The following CPEB4 variants were observed in gnomAD, a reference collection of about 807,000 sequenced individuals.
CPEB4 encodes cytoplasmic polyadenylation element binding protein 4.
A neutral mutation model predicts 72.5 loss-of-function variants in CPEB4; 12 were observed. That is an observed-to-expected ratio of 0.17 (90% confidence interval 0.11 to 0.27). CPEB4 has a LOEUF of 0.27. Ranked by LOEUF, CPEB4 falls within the 10% of genes least tolerant of loss-of-function variation. The pLI is 1.00. For missense variants in CPEB4, 614 were observed against 908.5 expected (o/e 0.68, Z 4.17); for synonymous variants, 302 against 326.3 (o/e 0.93, Z 0.80).
chr5:173,929,635 G>A (rs72812816), intron 2 of CPEB4, among the ~76,000 whole-genome samples: 33,752 of 152,004 alleles, frequency 0.22, 4,956 homozygotes, highest in Non-Finnish European at 0.31. Flanking sequence ...GGGAGGTCGA[G>A]GCTGGAGCTG....
chr5:173,960,206 TTAA>T lies in CPEB4; in HGVS notation c.*4071_*4073del, dbSNP rs1485444533. The T allele has an allele frequency of 6.5e-6, 1 of 152,684 alleles. No homozygotes were observed. Among genetic ancestry groups the T allele is most frequent in the Non-Finnish European group, 1.5e-5 (1 of 68,030 alleles). 9.5% of individuals were successfully genotyped at this position (152,684 alleles called of 1,614,324 possible). ...CATTTGTTGAAGTGCTAGTGAAAAA[TTAA>T]TGTTATTAAATAGTTTGCAAATGAC... On this transcript the variant is annotated 3_prime_UTR_variant, in exon 10 of 10. Coordinates refer to ENST00000265085, the MANE Select transcript of CPEB4 (RefSeq NM_030627.4).
chr5:173,945,807 T>C (rs1757996846), intron 5 of CPEB4, among the ~76,000 whole-genome samples: 1 of 152,180 alleles, frequency 6.6e-6, no homozygotes, highest in Non-Finnish European at 1.5e-5. Flanking sequence ...GGAAGTGATA[T>C]TTAAGCTGAG....
intron 1 of CPEB4, among the ~76,000 whole-genome samples, chr5:173,897,100 A>G (rs2113130584): frequency 6.6e-6 from 1 of 152,336 alleles, no homozygotes; most frequent in Middle Eastern, 3.4e-3. Context: ...TTATCTTGCT[A>G]TATATGCTTT....
rs1249801036 is a variant in CPEB4, at chr5:173,950,367, G to A, written c.1665+289G>A. ...CACCTGTAATCCCAGCACTTTGGGA[G>A]GCCGAAGCAGGTGGATCACATGAGG... On this transcript the variant is annotated intron_variant, in intron 7 of 9. Transcript: ENST00000265085. This position sits in a 1 kb window ranked among gnomAD's most constrained non-coding sequence, Gnocchi z 5.0. 6.6e-6 allele frequency among the ~76,000 whole-genome samples: 1 copy of A among 152,154 alleles called. No individual in the cohort carries two copies. The highest frequency in any genetic ancestry group is 1.5e-5 in the Non-Finnish European group (1 of 68,024).
intron 2 of CPEB4, among the ~76,000 whole-genome samples, chr5:173,915,360 A>G (rs1462576477): frequency 6.6e-6 from 1 of 152,050 alleles, no homozygotes; most frequent in East Asian, 1.9e-4. Flanking sequence ...GATTTTTTCT[A>G]TGTACAGGGA....
intron 5 of CPEB4, among the ~76,000 whole-genome samples, chr5:173,947,737 A>T (rs1242530769): frequency 6.6e-6 from 1 of 152,146 alleles, no homozygotes; most frequent in African/African-American, 2.4e-5. Context: ...TTTATTTCCT[A>T]GCTTCCTTCA....
chr5:173,934,288 AAAAT>A (rs1358301874), intron 3 of CPEB4, among the ~76,000 whole-genome samples: 4 of 152,218 alleles, frequency 2.6e-5, no homozygotes, highest in Non-Finnish European at 5.9e-5. Flanking sequence ...TGTCAATAAA[AAAAT>A]AAAAGTAACT....
intron 2 of CPEB4, among the ~76,000 whole-genome samples, chr5:173,911,876 A>G (rs1756677672): frequency 6.6e-6 from 1 of 152,138 alleles, no homozygotes; most frequent in South Asian, 2.1e-4. Context: ...TGTTGTTTCA[A>G]CTGGTGACCT....
intron 2 of CPEB4, among the ~76,000 whole-genome samples, chr5:173,924,665 A>G (rs1419431641): frequency 2.0e-5 from 3 of 152,240 alleles, no homozygotes; most frequent in Non-Finnish European, 2.9e-5. Flanking sequence ...TGTGAAGTCA[A>G]TGGAATTATC....
Position 173,900,766 on chromosome 5 carries a change from A to G in CPEB4, c.1126-9757A>G, listed in dbSNP as rs1213320608. On this transcript the variant is annotated intron_variant, in intron 1 of 9. Transcript: ENST00000265085. This position sits in a 1 kb window ranked among gnomAD's most constrained non-coding sequence, Gnocchi z 4.4. ...GTTTCATGCTTTTTTTCATTGCACC[A>G]TAGAAGGGGCAGAGAAATGTTTATT... Among the ~76,000 whole-genome samples the G allele has an allele frequency of 2.6e-5, 4 of 152,188 alleles. No homozygotes were observed. Among genetic ancestry groups the G allele is most frequent in the African/African-American group, 7.2e-5 (3 of 41,448 alleles).
chr5:173,930,293 C>T (rs554292089), intron 2 of CPEB4, among the ~76,000 whole-genome samples: 3 of 152,286 alleles, frequency 2.0e-5, no homozygotes, highest in African/African-American at 4.8e-5. Context: ...TGATCTCAGG[C>T]AATCTGCCCG....
At chr5:173,902,221 C>G (rs1342299773) in intron 1 of CPEB4, among the ~76,000 whole-genome samples, 2 of 152,028 alleles carry the variant, frequency 1.3e-5, no homozygotes, top group African/African-American at 4.8e-5. Flanking sequence ...CCTTTCAAAC[C>G]AAAATATTTT....
In CPEB4 at chr5:173,955,991, T is replaced by C; in HGVS notation, c.2044T>C (p.Phe682Leu). 6.2e-7 allele frequency: 1 copy of C among 1,614,142 alleles called. No individual in the cohort carries two copies. Residue 682 changes from phenylalanine (F) to leucine (L), a missense_variant, in exon 10 of 10, where the codon TTT becomes CTT. Physicochemically the swap from Phe to Leu is conservative, Grantham distance 22. This residue lies in a region of CPEB4 where 101 missense variants were observed against 243.1 expected (regional missense o/e 0.42). Coordinates refer to ENST00000265085, the MANE Select transcript of CPEB4 (RefSeq NM_030627.4). The surrounding 1 kb of genome is among the most constrained non-coding windows in gnomAD (Gnocchi z 4.7). ...GARCGGKFAP[F>L]FCANVTCLQY... ...CCGTTGTGGGGGGAAATTTGCTCCA[T>C]TTTTCTGTGCTAATGTTACCTGTCT...
chr5:173,908,934 G>T (rs1353916410), intron 1 of CPEB4, among the ~76,000 whole-genome samples: 3 of 152,112 alleles, frequency 2.0e-5, no homozygotes, highest in African/African-American at 4.8e-5. Flanking sequence ...GTGTGTTTAT[G>T]TACAGTATCC....
intron 1 of CPEB4, among the ~76,000 whole-genome samples, chr5:173,906,872 A>G (rs11745868): frequency 6.6e-6 from 1 of 152,230 alleles, no homozygotes; most frequent in Admixed American, 6.5e-5. Flanking sequence ...GTCAGCAAAA[A>G]TCTTTATGTT....
At position 173,890,348 on chromosome 5, in the gene CPEB4, G is replaced by C. The variant is rs766419080; in HGVS notation, c.615G>C (p.Leu205=). The change falls in exon 1 of 10, where the codon CTG becomes CTC. Residue 205 remains leucine (L), a synonymous_variant. Coordinates refer to ENST00000265085, the MANE Select transcript of CPEB4 (RefSeq NM_030627.4). Reference sequence around the variant, plus strand: ...CTGCTTCGGCTAATAACGGTGCTCTGTTGTTTCAAAATTTCCCCCATCATG... The same window carrying C: ...CTGCTTCGGCTAATAACGGTGCTCTCTTGTTTCAAAATTTCCCCCATCATG... ...VPAASANNGA[L]LFQNFPHHVS... is the part of the protein sequence containing the mutation. The C allele has an allele frequency of 1.2e-6, 2 of 1,614,126 alleles. No individual in the cohort carries two copies. The highest frequency in any genetic ancestry group is 1.7e-6 in the Non-Finnish European group (2 of 1,180,028).
Position 173,914,947 on chromosome 5 carries a change from TC to T in CPEB4, c.1207+4345del, listed in dbSNP as rs759804119. On this transcript the variant is annotated intron_variant, in intron 2 of 9. Transcript: ENST00000265085. The stretch of plus-strand genomic sequence containing the variant: ...TTTATTTTTCTCTTTCATTTCTGGT[TC>T]CTCATAGGTATGCAGTTTGTGTGTG... Among the ~76,000 whole-genome samples, 6 of 152,346 alleles carry T rather than the reference TC, an allele frequency of 3.9e-5. No homozygotes were observed. In the East Asian group the frequency reaches 1.2e-3, roughly 29 times the overall value.
At position 173,888,616 on chromosome 5, in the gene CPEB4, G is replaced by C. The variant is rs1044251992; in HGVS notation, c.-1118G>C. On this transcript the variant is annotated 5_prime_UTR_variant, in exon 1 of 10. Transcript: ENST00000265085. This position sits in a 1 kb window ranked among gnomAD's most constrained non-coding sequence, Gnocchi z 4.3. The stretch of plus-strand genomic sequence containing the variant: ...TTATAGTTTAAAAAAAAATTCTGGG[G>C]GAAAAGAGAGAGAAAGCCGAGGGGG... The C allele has an allele frequency of 2.5e-6, 1 of 401,118 alleles. No homozygotes were observed. The highest frequency in any genetic ancestry group is 4.4e-6 in the Non-Finnish European group (1 of 227,282). The allele number at this position is 401,118 out of a possible 1,614,324, so 24.8% of individuals were successfully genotyped here.
chr5:173,953,712 G>A (rs1017260621), intron 9 of CPEB4, among the ~76,000 whole-genome samples: 10 of 146,518 alleles, frequency 6.8e-5, no homozygotes, highest in Non-Finnish European at 4.5e-5. Context: ...TCAATGAATT[G>A]TACTCACAGA....
Sources: gnomAD v4.1 joint callset for allele counts (sites outside exome capture counted in the v4.1 genomes callset) on GRCh38, gnomAD v4.1.1 for gene constraint, gnomAD v4.1.1 regional missense constraint, Gnocchi (gnomAD v3.1) non-coding constraint, MANE v1.5 for transcripts, NCBI Gene and HGNC (gene_info 2026-07-23, HGNC 2026-07-21) for gene names.